The following PDE8B variants were observed in gnomAD, a reference collection of about 807,000 sequenced individuals.
PDE8B encodes high affinity cAMP-specific and IBMX-insensitive 3',5'-cyclic phosphodiesterase 8B.
In PDE8B, 26 loss-of-function variants were observed where a neutral mutation model predicts 101.3. That is an observed-to-expected ratio of 0.26 (90% confidence interval 0.19 to 0.36). The LOEUF is 0.36. Among genes scored for constraint, PDE8B ranks in the 10% least tolerant of loss-of-function variants. The pLI, the probability that PDE8B is intolerant of heterozygous loss-of-function variation, is 1.00. For missense variants in PDE8B, 810 were observed against 1,163.1 expected (o/e 0.70, Z 4.42); for synonymous variants, 424 against 429.3 (o/e 0.99, Z 0.15).
chr5:77,205,870 T>G (rs1279195120), upstream of PDE8B, among the ~76,000 whole-genome samples: 1 of 152,186 alleles, frequency 6.6e-6, no homozygotes, highest in Non-Finnish European at 1.5e-5. Context: ...ATATGTGATT[T>G]GTTGAGCCAT....
chr5:77,303,744 T>C (rs1175358281), intron 1 of PDE8B, among the ~76,000 whole-genome samples: 8 of 152,232 alleles, frequency 5.3e-5, no homozygotes, highest in African/African-American at 1.9e-4. Flanking sequence ...GTCTATTCAG[T>C]ATTGTTTTAA....
the PDE8B span, among the ~76,000 whole-genome samples, chr5:77,161,438 A>G: frequency 6.6e-6 from 1 of 152,044 alleles, no homozygotes; most frequent in East Asian, 1.9e-4. Flanking sequence ...GATTTGATTA[A>G]TTTGATTATC....
chr5:77,349,541 A>AT lies in PDE8B; in HGVS notation c.1000dup (p.Cys334LeufsTer39). ...CAGACCTTCTCGACACCATCAATACATGCATCAAGAAGGGAAAGGTGGGTT... is the reference window on the plus strand; with the variant it reads ...CAGACCTTCTCGACACCATCAATACATTGCATCAAGAAGGGAAAGGTGGGTT... On this transcript the variant is annotated frameshift_variant, in exon 8 of 22. Coordinates refer to ENST00000264917, the MANE Select transcript of PDE8B (RefSeq NM_003719.5). LOFTEE classifies it high-confidence loss of function. 1 of 1,614,204 alleles carries AT rather than the reference A, an allele frequency of 6.2e-7. No homozygotes were observed. The highest frequency in any genetic ancestry group is 8.5e-7 in the Non-Finnish European group (1 of 1,180,028).
intron 18 of PDE8B, 106 bp downstream of exon 18, chr5:77,418,552 G>GT (rs1403056994): frequency 1.2e-6 from 1 of 801,736 alleles, no homozygotes; most frequent in Non-Finnish European, 2.2e-6. Flanking sequence ...CTGTCCCACT[G>GT]TACCAGATGA....
chr5:77,172,112 A>T, the PDE8B span, among the ~76,000 whole-genome samples: 1 of 152,332 alleles, frequency 6.6e-6, no homozygotes, highest in South Asian at 2.1e-4. Flanking sequence ...AAGGGAGTCG[A>T]TTGGATGGAT....
At chr5:77,224,688 A>AT (rs956692948) in intron 1 of PDE8B, among the ~76,000 whole-genome samples, 8 of 152,220 alleles carry the variant, frequency 5.3e-5, no homozygotes, top group African/African-American at 1.9e-4. Context: ...TCATTTAAAG[A>AT]TTTTTTTAAT....
chr5:77,344,973 A>G, intron 7 of PDE8B, 42 bp downstream of exon 7: 1 of 1,329,174 alleles, frequency 7.5e-7, no homozygotes, highest in Non-Finnish European at 1.1e-6. Flanking sequence ...TTCAAAATGA[A>G]CCTTTCAGGT....
chr5:77,163,467 A>C, the PDE8B span, among the ~76,000 whole-genome samples: 1 of 152,270 alleles, frequency 6.6e-6, no homozygotes, highest in Non-Finnish European at 1.5e-5. Flanking sequence ...GACTAAAAAA[A>C]GGTGGTTATC....
At chr5:77,315,912 C>G (rs1037599202) in intron 2 of PDE8B, among the ~76,000 whole-genome samples, 5 of 151,950 alleles carry the variant, frequency 3.3e-5, no homozygotes, top group Middle Eastern at 6.8e-3. Context: ...TTTTTTCTTT[C>G]AGAAACAAAA....
At position 77,228,334 on chromosome 5, in the gene PDE8B, C is replaced by G. The variant is rs73135259; in HGVS notation, c.339+17070C>G. The stretch of plus-strand genomic sequence containing the variant: ...AGAGGATTACACAAGGGCATGAGTA[C>G]GAATAGGTGGGAATCATTGGGGGCT... On this transcript the variant is annotated intron_variant, in intron 1 of 21. Coordinates refer to ENST00000264917, the MANE Select transcript of PDE8B (RefSeq NM_003719.5). Among the ~76,000 whole-genome samples the G allele has an allele frequency of 4.0e-3, 603 of 152,100 alleles. 4 individuals carry two copies. The highest frequency in any genetic ancestry group is 0.014 in the African/African-American group (577 of 41,472).
chr5:77,118,016 G>T, the PDE8B span, among the ~76,000 whole-genome samples: 2 of 151,994 alleles, frequency 1.3e-5, no homozygotes, highest in African/African-American at 4.8e-5. Context: ...CTCACTGAAA[G>T]CTCCGCCTCC....
intron 1 of PDE8B, among the ~76,000 whole-genome samples, chr5:77,218,835 A>C (rs1750402013): frequency 6.6e-6 from 1 of 152,086 alleles, no homozygotes; most frequent in Non-Finnish European, 1.5e-5. Flanking sequence ...TCAAAATGAG[A>C]TTTTGGTTAT....
intron 1 of PDE8B, among the ~76,000 whole-genome samples, chr5:77,259,716 A>G (rs779414872): frequency 1.3e-5 from 2 of 152,220 alleles, no homozygotes; most frequent in South Asian, 2.1e-4. Context: ...TCTTAAAGAC[A>G]CTGAAGATGG....
At chr5:77,417,834 G>A (rs761656987) in intron 17 of PDE8B, among the ~76,000 whole-genome samples, 4 of 152,112 alleles carry the variant, frequency 2.6e-5, no homozygotes, top group Non-Finnish European at 5.9e-5. Context: ...TGTTGTATCT[G>A]AGCCATTTGC....
chr5:77,334,506 C>T (rs1397786163), intron 5 of PDE8B, among the ~76,000 whole-genome samples: 2 of 152,104 alleles, frequency 1.3e-5, no homozygotes, highest in Admixed American at 1.3e-4. Context: ...GGAGTTCTGC[C>T]TCTGTGCAAT....
At chr5:77,117,794 G>A in the PDE8B span, among the ~76,000 whole-genome samples, 6 of 152,264 alleles carry the variant, frequency 3.9e-5, no homozygotes, top group East Asian at 1.9e-4. Context: ...CTTGTACTGC[G>A]ATTGAAATAT....
intron 1 of PDE8B, among the ~76,000 whole-genome samples, chr5:77,253,238 TG>T (rs1758433712): frequency 6.6e-6 from 1 of 152,158 alleles, no homozygotes; most frequent in Non-Finnish European, 1.5e-5. Context: ...TTATTGTAAA[TG>T]AGTATAAATT....
At chr5:77,416,211 T>A (rs1795524601) in intron 17 of PDE8B, among the ~76,000 whole-genome samples, 1 of 152,206 alleles carries the variant, frequency 6.6e-6, no homozygotes, top group South Asian at 2.1e-4. Context: ...CAGTGTTAGC[T>A]GGAAGGAAAG....
intron 1 of PDE8B, among the ~76,000 whole-genome samples, chr5:77,243,315 A>T (rs1197965373): frequency 6.6e-6 from 1 of 152,310 alleles, no homozygotes; most frequent in Non-Finnish European, 1.5e-5. Flanking sequence ...AGGAGTTAGC[A>T]TTGCATTTTT....
Sources: gnomAD v4.1 joint callset for allele counts (sites outside exome capture counted in the v4.1 genomes callset) on GRCh38, gnomAD v4.1.1 for gene constraint, MANE v1.5 for transcripts, NCBI Gene and HGNC (gene_info 2026-07-23, HGNC 2026-07-21) for gene names.